FOXO3: variants seen among roughly 807,000 people sequenced by gnomAD.
FOXO3 encodes forkhead box O3.
Under a neutral mutation model 41.9 loss-of-function variants are expected in FOXO3, and 4 were observed. The ratio of observed to expected loss-of-function variants is 0.10; its 90% confidence interval spans 0.05 to 0.22. The LOEUF (loss-of-function observed/expected upper bound fraction) is 0.22. Ranked by LOEUF, FOXO3 falls within the 10% of genes least tolerant of loss-of-function variation. FOXO3 has a pLI of 1.00. For missense variants in FOXO3, 534 were observed against 906.8 expected (o/e 0.59, Z 5.28); for synonymous variants, 318 against 389.3 (o/e 0.82, Z 2.16).
intron 1 of FOXO3, among the ~76,000 whole-genome samples, chr6:108,602,642 G>T (rs1777084126): frequency 6.6e-6 from 1 of 150,920 alleles, no homozygotes; most frequent in South Asian, 2.1e-4. Flanking sequence ...ATAAGCAATA[G>T]CATTAAAACC....
intron 1 of FOXO3, among the ~76,000 whole-genome samples, chr6:108,562,749 C>T (rs561093820): frequency 5.8e-4 from 88 of 152,238 alleles, no homozygotes; most frequent in African/African-American, 2.0e-3. Context: ...TCTTGGGGCA[C>T]GGGACACGTG....
At position 108,561,718 on chromosome 6, in the gene FOXO3, C is replaced by T. The variant is rs761129538; in HGVS notation, c.510C>T (p.Ile170=). The T allele has an allele frequency of 7.9e-5, 127 of 1,611,852 alleles. 3 individuals carry two copies. In the South Asian group the frequency reaches 1.2e-3, roughly 16 times the overall value. ...ACGCGGACCTGATCACCCGCGCCAT[C>T]GAGAGCTCCCCGGACAAACGGCTCA... The part of the protein sequence containing the change: ...LSYADLITRA[I]ESSPDKRLTL... The change falls in exon 1 of 3, where the codon ATC becomes ATT. Residue 170 remains isoleucine (I), a synonymous_variant. Coordinates refer to ENST00000406360, the MANE Select transcript of FOXO3 (RefSeq NM_001455.4).
chr6:108,588,197 AGT>A (rs1420217447), intron 1 of FOXO3, among the ~76,000 whole-genome samples: 14 of 152,212 alleles, frequency 9.2e-5, no homozygotes, highest in Admixed American at 2.6e-4. Flanking sequence ...AGGTACATAA[AGT>A]GTGTGTTGTT....
intron 1 of FOXO3, among the ~76,000 whole-genome samples, chr6:108,614,314 A>G (rs534580437): frequency 1.3e-4 from 20 of 152,186 alleles, no homozygotes; most frequent in Middle Eastern, 3.2e-3. Context: ...GTCTACTTCA[A>G]TTCTATTAGA....
At chr6:108,676,483 C>T (rs547641710) in intron 2 of FOXO3, among the ~76,000 whole-genome samples, 8 of 152,236 alleles carry the variant, frequency 5.3e-5, no homozygotes, top group Non-Finnish European at 5.9e-5. Flanking sequence ...CTCAAGGGAC[C>T]GCCCCCCTCA....
At chr6:108,611,736 T>C (rs569388688) in intron 1 of FOXO3, among the ~76,000 whole-genome samples, 3 of 150,072 alleles carry the variant, frequency 2.0e-5, no homozygotes, top group Non-Finnish European at 4.4e-5. Flanking sequence ...CACCATTTAG[T>C]TAGGAATTTC....
At chr6:108,580,484 C>A (rs893826336) in intron 1 of FOXO3, among the ~76,000 whole-genome samples, 7 of 152,166 alleles carry the variant, frequency 4.6e-5, no homozygotes, top group African/African-American at 7.2e-5. Flanking sequence ...CCGTGCCCAG[C>A]CTTAGCTCTT....
chr6:108,641,423 T>C (rs535556016), intron 1 of FOXO3, among the ~76,000 whole-genome samples: 1 of 152,240 alleles, frequency 6.6e-6, no homozygotes, highest in Non-Finnish European at 1.5e-5. Context: ...CTCAGAGCCC[T>C]AAAGAACCTC....
At chr6:108,594,405 C>T (rs1776816881) in intron 1 of FOXO3, among the ~76,000 whole-genome samples, 1 of 152,132 alleles carries the variant, frequency 6.6e-6, no homozygotes, top group African/African-American at 2.4e-5. Context: ...GTGAAGTTAA[C>T]ATAGTAGTTT....
chr6:108,667,188 T>C (rs1481261203), intron 2 of FOXO3, among the ~76,000 whole-genome samples: 1 of 152,146 alleles, frequency 6.6e-6, no homozygotes, highest in South Asian at 2.1e-4. Context: ...GTGAAAAGAC[T>C]GTAATGGAAG....
At chr6:108,656,713 TTTG>T (rs753225154) in intron 1 of FOXO3, among the ~76,000 whole-genome samples, 1 of 152,238 alleles carries the variant, frequency 6.6e-6, no homozygotes, top group Non-Finnish European at 1.5e-5. Flanking sequence ...AATTATCCCC[TTTG>T]TAAATTATTG....
At chr6:108,619,185 G>A (rs1777600959) in intron 1 of FOXO3, among the ~76,000 whole-genome samples, 1 of 152,192 alleles carries the variant, frequency 6.6e-6, no homozygotes. Flanking sequence ...AGCAGAGACT[G>A]TATAGGAAGA....
Position 108,561,281 on chromosome 6 carries a change from C to T in FOXO3, c.73C>T (p.Gln25Ter). 6.4e-7 allele frequency: 1 copy of T among 1,564,802 alleles called. No homozygotes were observed. Among genetic ancestry groups the T allele is most frequent in the Non-Finnish European group, 8.6e-7 (1 of 1,157,850 alleles). Residue 25 changes from glutamine to a stop codon, truncating the protein, a stop_gained, in exon 1 of 3, where the codon CAG becomes TAG. Transcript: ENST00000406360. LOFTEE classifies it high-confidence loss of function. The stretch of plus-strand genomic sequence containing the variant: ...GGAGCTGGACCCGGAGTTCGAGCCC[C>T]AGAGCCGTCCGCGATCCTGTACGTG... ...EVELDPEFEP[Q>*]SRPRSCTWPL...
intron 2 of FOXO3, among the ~76,000 whole-genome samples, chr6:108,670,814 C>T (rs1313830815): frequency 1.3e-5 from 2 of 152,120 alleles, no homozygotes; most frequent in East Asian, 3.9e-4. Flanking sequence ...TTTTGTATGA[C>T]CTTGTCATAT....
rs1582828413 is a variant in FOXO3, at chr6:108,663,834, A to T, written c.1001A>T (p.Asp334Val). 2 of 1,613,750 alleles carry T rather than the reference A, an allele frequency of 1.2e-6. No individual in the cohort carries two copies. Among genetic ancestry groups the T allele is most frequent in the Non-Finnish European group, 1.7e-6 (2 of 1,179,820 alleles). Residue 334 changes from aspartate (D) to valine (V), a missense_variant, in exon 2 of 3, where the codon GAT becomes GTT. Physicochemically the swap from Asp to Val is radical, Grantham distance 152. This residue lies in a region of FOXO3 where 185 missense variants were observed against 224.9 expected (regional missense o/e 0.82). Coordinates refer to ENST00000406360, the MANE Select transcript of FOXO3 (RefSeq NM_001455.4). ...LSPIMASTEL[D>V]EVQDDDAPLS... The stretch of plus-strand genomic sequence containing the variant: ...CCCATCATGGCAAGCACAGAGTTGG[A>T]TGAAGTCCAGGACGATGATGCGCCT...
At position 108,664,078 on chromosome 6, in the gene FOXO3, G is replaced by A. The variant is rs753186060; in HGVS notation, c.1245G>A (p.Pro415=). The part of the protein sequence containing the change: ...GGLMQRSSSF[P]YTTKGSGLGS... The stretch of plus-strand genomic sequence containing the variant: ...TCATGCAGCGGAGCTCTAGCTTCCC[G>A]TATACCACCAAGGGCTCGGGCCTGG... The change falls in exon 2 of 3, where the codon CCG becomes CCA. Residue 415 remains proline, a synonymous_variant. Coordinates refer to ENST00000406360, the MANE Select transcript of FOXO3 (RefSeq NM_001455.4). 4.0e-5 allele frequency: 65 copies of A among 1,614,014 alleles called. No individual in the cohort carries two copies. Among genetic ancestry groups the A allele is most frequent in the Non-Finnish European group, 5.4e-5 (64 of 1,180,052 alleles).
At chr6:108,577,174 C>G (rs1165084405) in intron 1 of FOXO3, among the ~76,000 whole-genome samples, 1 of 146,852 alleles carries the variant, frequency 6.8e-6, no homozygotes, top group Non-Finnish European at 1.5e-5. Context: ...GTTAAAAGTT[C>G]TTTGCCCCAA....
chr6:108,668,292 C>T (rs574786727), intron 2 of FOXO3, among the ~76,000 whole-genome samples: 1 of 152,294 alleles, frequency 6.6e-6, no homozygotes, highest in African/African-American at 2.4e-5. Flanking sequence ...GTGTTTCACA[C>T]GTCATTCATT....
intron 1 of FOXO3, among the ~76,000 whole-genome samples, chr6:108,637,013 A>C (rs995511742): frequency 6.6e-6 from 1 of 152,228 alleles, no homozygotes; most frequent in Admixed American, 6.5e-5. Flanking sequence ...GGAGAGATGC[A>C]GACTTCTGCA....
Sources: gnomAD v4.1 joint callset for allele counts (sites outside exome capture counted in the v4.1 genomes callset) on GRCh38, gnomAD v4.1.1 for gene constraint, gnomAD v4.1.1 regional missense constraint, MANE v1.5 for transcripts, NCBI Gene and HGNC (gene_info 2026-07-23, HGNC 2026-07-21) for gene names.